PDE4A: variants seen among roughly 807,000 people sequenced by gnomAD.
PDE4A encodes the protein phosphodiesterase 4A, also known as 3',5'-cyclic-AMP phosphodiesterase 4A.
A neutral mutation model predicts 73.9 loss-of-function variants in PDE4A; 21 were observed. The ratio of observed to expected loss-of-function variants is 0.28; its 90% CI spans 0.20 to 0.41. The LOEUF (loss-of-function observed/expected upper bound fraction) is 0.41, where lower values mean the gene tolerates loss of function less well. Ranked by LOEUF, PDE4A falls within the 10% of genes least tolerant of loss-of-function variation. PDE4A has a pLI of 1.00. For missense variants in PDE4A, 958 were observed against 1,211.4 expected (o/e 0.79, Z 3.10); for synonymous variants, 463 against 505.4 (o/e 0.92, Z 1.13).
intron 1 of PDE4A, chr19:10,427,768 A>G (rs1366706856): frequency 5.1e-6 from 5 of 977,734 alleles, no homozygotes; most frequent in African/African-American, 1.8e-5. Flanking sequence ...CGTATTCCCA[A>G]GGGCTGATCT....
At chr19:10,449,565 G>A (rs1349303525) in intron 4 of PDE4A, among the ~76,000 whole-genome samples, 2 of 151,952 alleles carry the variant, frequency 1.3e-5, no homozygotes, top group African/African-American at 4.8e-5. Context: ...TCACCATGTT[G>A]GCCAGGCTGG....
At chr19:10,416,923 C>G (rs568897912), upstream of PDE4A, 4 of 1,539,370 alleles carry the variant, frequency 2.6e-6, no homozygotes, top group Non-Finnish European at 3.5e-6. Flanking sequence ...GCAGTCCCAA[C>G]GGCGCGCTAG....
chr19:10,419,681 A>AG (rs1392506729), upstream of PDE4A: 1 of 152,638 alleles, frequency 6.6e-6, no homozygotes, highest in African/African-American at 2.4e-5. Context: ...ACTCACGCAC[A>AG]CGCACACACT....
At chr19:10,436,718 C>T (rs553230339) in intron 1 of PDE4A, among the ~76,000 whole-genome samples, 1 of 152,294 alleles carries the variant, frequency 6.6e-6, no homozygotes, top group Admixed American at 6.5e-5. Flanking sequence ...TCTAACCTGG[C>T]ACCCAGGACA....
chr19:10,447,217 CTTTTTTTTTTTTTTTT>C (rs34169084), intron 2 of PDE4A, among the ~76,000 whole-genome samples: 15 of 59,220 alleles, frequency 2.5e-4, no homozygotes, highest in African/African-American at 1.2e-3. Flanking sequence ...CTTTTTTTCT[CTTTTTTTTTTTTTTTT>C]TTTTTTTTTT....
At chr19:10,456,726 T>C (rs535740903) in intron 7 of PDE4A, among the ~76,000 whole-genome samples, 68 of 151,844 alleles carry the variant, frequency 4.5e-4, no homozygotes, top group African/African-American at 1.6e-3. Flanking sequence ...AGATTCCTAA[T>C]TCAATGGAAC....
Position 10,458,330 on chromosome 19 carries a change from T to TG in PDE4A, c.1101+229dup, listed in dbSNP as rs1305499245. 6.6e-6 allele frequency among the ~76,000 whole-genome samples: 1 copy of TG among 152,232 alleles called. No homozygotes were observed. The highest frequency in any genetic ancestry group is 1.5e-5 in the Non-Finnish European group (1 of 68,036). On this transcript the variant is annotated intron_variant, in intron 8 of 14. Coordinates refer to ENST00000380702, the MANE Select transcript of PDE4A (RefSeq NM_001111307.2). This position sits in a 1 kb window ranked among gnomAD's most constrained non-coding sequence, Gnocchi z 4.6. ...CGTATCACCTCTTGCATGTAGCTCC[T>TG]GTTGGGACTAGTCTTCTGGAAATGC... is the stretch of plus-strand genomic sequence containing the variant.
At chr19:10,442,990 C>T (rs2042958671) in intron 1 of PDE4A, among the ~76,000 whole-genome samples, 1 of 151,554 alleles carries the variant, frequency 6.6e-6, no homozygotes, top group South Asian at 2.1e-4. Context: ...TACATATTAC[C>T]AATATTACAT....
Position 10,449,211 on chromosome 19 carries a change from T to C in PDE4A, c.620+61T>C, listed in dbSNP as rs537256801. The C allele has an allele frequency of 1.0e-5, 16 of 1,557,864 alleles. No homozygotes were observed. In the African/African-American group the frequency reaches 1.9e-4, roughly 19 times the overall value. ...AAGGTGAAGCATATGCGGGTTCTGC[T>C]CTCAGCCCTGCTGTGTGACCTCTGG... On this transcript the variant is annotated intron_variant, in intron 4 of 14. Transcript: ENST00000380702.
At chr19:10,465,683 C>CT (rs749126870) in intron 14 of PDE4A, among the ~76,000 whole-genome samples, 931 of 48,360 alleles carry the variant, frequency 0.019, 212 homozygotes, top group Non-Finnish European at 0.026. Flanking sequence ...GTGGCTTTAG[C>CT]TTTTTTTTTT....
rs183022569 is a variant in PDE4A at position 10,438,285 on chromosome 19, G to A, written c.321-7933G>A. 1.7e-4 allele frequency among the ~76,000 whole-genome samples: 26 copies of A among 151,768 alleles called. 1 individual carries two copies. The highest frequency in any genetic ancestry group is 5.1e-4 in the African/African-American group (21 of 41,390). On this transcript the variant is annotated intron_variant, in intron 1 of 14. Transcript: ENST00000380702. ...GCACCACCACACCCAGCTAATTTTTGTATTTTTATTAGAGACGGGGTTTCA... is the reference window on the plus strand; with the variant it reads ...GCACCACCACACCCAGCTAATTTTTATATTTTTATTAGAGACGGGGTTTCA...
At chr19:10,442,794 T>A (rs1458425824) in intron 1 of PDE4A, among the ~76,000 whole-genome samples, 1 of 148,742 alleles carries the variant, frequency 6.7e-6, no homozygotes, top group Non-Finnish European at 1.5e-5. Flanking sequence ...ACTACTAATA[T>A]ATGTAATATT....
intron 1 of PDE4A, chr19:10,427,446 G>T (rs2042732437): frequency 3.1e-6 from 3 of 972,002 alleles, no homozygotes; most frequent in Non-Finnish European, 3.7e-6. Context: ...GAGCGAGGAG[G>T]CAGTGGAAAA....
chr19:10,432,478 C>A, intron 1 of PDE4A: 1 of 1,507,784 alleles, frequency 6.6e-7, no homozygotes, highest in Non-Finnish European at 8.9e-7. Flanking sequence ...CGGCCCCCTG[C>A]CCTGGCACTG....
intron 1 of PDE4A, among the ~76,000 whole-genome samples, chr19:10,439,903 A>G (rs1304959754): frequency 6.6e-6 from 1 of 151,772 alleles, no homozygotes; most frequent in Non-Finnish European, 1.5e-5. Context: ...CATTGCATGC[A>G]GGGGATGGAG....
At chr19:10,443,516 G>A (rs1240085548) in intron 1 of PDE4A, among the ~76,000 whole-genome samples, 1 of 147,420 alleles carries the variant, frequency 6.8e-6, no homozygotes, top group Non-Finnish European at 1.5e-5. Context: ...TTGCACTTCA[G>A]TCTGGGTAAG....
chr19:10,460,834 G>T, intron 10 of PDE4A, 170 bp from the exon 11 acceptor site: 71 of 173,516 alleles, frequency 4.1e-4, no homozygotes, highest in Non-Finnish European at 7.8e-4. Flanking sequence ...AATTAAATTT[G>T]AGACAGGGCC....
intron 1 of PDE4A, chr19:10,430,779 C>A: frequency 1.8e-6 from 1 of 549,588 alleles, no homozygotes; most frequent in Non-Finnish European, 2.3e-6. Context: ...AGGCGGCCTG[C>A]GTGGGCCTGG....
rs200491822 is a variant in PDE4A, at chr19:10,449,128, A to T, written c.598A>T (p.Asn200Tyr). Residue 200 changes from asparagine to tyrosine, a missense_variant, in exon 4 of 15, where the codon AAT (asparagine) becomes TAT (tyrosine). By Grantham distance (143) the Asn-to-Tyr change is moderately radical. Around this residue, in one of 3 missense-constraint regions of PDE4A, gnomAD observed 570 missense variants for 827.7 expected, o/e 0.69. Transcript: ENST00000380702. ...CCGTAGCAACTTCTCACTCCTGACC[A>T]ATGTGCCCGTTCCCAGTAACAAGTA... ...SVRSNFSLLT[N>Y]VPVPSNKRSP... 2 of 1,613,586 alleles carry T rather than the reference A, an allele frequency of 1.2e-6. No individual in the cohort carries two copies. The highest frequency in any genetic ancestry group is 1.7e-6 in the Non-Finnish European group (2 of 1,179,822).
Sources: allele counts gnomAD v4.1 joint callset (sites outside exome capture counted in the v4.1 genomes callset), GRCh38; gene constraint gnomAD v4.1.1; regional missense constraint gnomAD v4.1.1; non-coding constraint Gnocchi (gnomAD v3.1); transcripts MANE v1.5; gene names NCBI Gene and HGNC (gene_info 2026-07-23, HGNC 2026-07-21).